The following CDH12 variants were observed in gnomAD, a reference collection of about 807,000 sequenced individuals.
The protein encoded by CDH12 is cadherin 12.
Under a neutral mutation model 74.1 loss-of-function variants are expected in CDH12, and 41 were observed. That is an observed-to-expected ratio of 0.55 (90% CI 0.43 to 0.72). CDH12 has a LOEUF of 0.72. Among genes scored for constraint, CDH12 ranks in the 30% least tolerant of loss-of-function variants. CDH12 has a pLI of 0.00. For missense variants in CDH12, 945 were observed against 977.2 expected (o/e 0.97, Z 0.44); for synonymous variants, 399 against 355.0 (o/e 1.12, Z -1.39).
At chr5:22,691,487 G>C (rs1033017344) in intron 1 of CDH12, among the ~76,000 whole-genome samples, 1 of 152,144 alleles carries the variant, frequency 6.6e-6, no homozygotes, top group Non-Finnish European at 1.5e-5. Flanking sequence ...GCTAAAAATT[G>C]CATCATAATA....
intron 1 of CDH12, among the ~76,000 whole-genome samples, chr5:22,530,195 T>G (rs1737524996): frequency 6.6e-6 from 1 of 152,144 alleles, no homozygotes; most frequent in Non-Finnish European, 1.5e-5. Flanking sequence ...ATAATTGAAC[T>G]CATCTTTATT....
chr5:22,273,699 T>C (rs530127193), intron 3 of CDH12, among the ~76,000 whole-genome samples: 10 of 152,330 alleles, frequency 6.6e-5, no homozygotes, highest in African/African-American at 2.4e-4. Context: ...GGTAAAGTTA[T>C]CAAAATGTGT....
At chr5:21,879,860 A>T (rs1752147994) in intron 6 of CDH12, among the ~76,000 whole-genome samples, 1 of 152,240 alleles carries the variant, frequency 6.6e-6, no homozygotes, top group Admixed American at 6.5e-5. Flanking sequence ...CTTCAGGATC[A>T]CAAGAGGATT....
intron 5 of CDH12, among the ~76,000 whole-genome samples, chr5:21,984,437 T>C (rs184607432): frequency 3.3e-5 from 5 of 152,334 alleles, no homozygotes; most frequent in African/African-American, 7.2e-5. Flanking sequence ...TTATGCCTTT[T>C]CTTTGGAATC....
intron 3 of CDH12, among the ~76,000 whole-genome samples, chr5:22,341,302 A>G (rs1409555884): frequency 1.3e-5 from 2 of 152,172 alleles, no homozygotes; most frequent in African/African-American, 4.8e-5. Context: ...TGGGCAACAC[A>G]GTGATACCCC....
rs75878505 is a variant in CDH12, at chr5:22,271,434, G to A, written c.-332-58791C>T. Among the ~76,000 whole-genome samples, 1,235 of 152,214 alleles carry A rather than the reference G, an allele frequency of 8.1e-3. 13 individuals are homozygous for A. The highest frequency in any genetic ancestry group is 0.012 in the Non-Finnish European group (833 of 68,014). On this transcript the variant is annotated intron_variant, in intron 3 of 14. Coordinates refer to ENST00000382254, the MANE Select transcript of CDH12 (RefSeq NM_004061.5). The stretch of plus-strand genomic sequence containing the variant: ...TGGAAGTATTGAATCCCTCAAAATC[G>A]TCCATGAGGTTGGGAATTGACATCT...
chr5:21,869,176 T>C (rs370486307), intron 6 of CDH12, among the ~76,000 whole-genome samples: 122 of 152,146 alleles, frequency 8.0e-4, no homozygotes, highest in African/African-American at 2.8e-3. Flanking sequence ...TGAGGTGAAA[T>C]TGGACTACTA....
chr5:22,199,864 T>C (rs1348550311), intron 4 of CDH12, among the ~76,000 whole-genome samples: 1 of 152,238 alleles, frequency 6.6e-6, no homozygotes, highest in East Asian at 1.9e-4. Context: ...TTGGTGGATC[T>C]GCATTAGAAA....
chr5:22,341,312 CT>C (rs1254238418), intron 3 of CDH12, among the ~76,000 whole-genome samples: 1 of 152,062 alleles, frequency 6.6e-6, no homozygotes, highest in Non-Finnish European at 1.5e-5. Context: ...AGTGATACCC[CT>C]ATCTCTACAA....
intron 1 of CDH12, among the ~76,000 whole-genome samples, chr5:22,747,817 CTG>C (rs2127029044): frequency 6.6e-6 from 1 of 152,102 alleles, no homozygotes; most frequent in South Asian, 2.1e-4. Flanking sequence ...TCTTATGAAT[CTG>C]AGTATTTTAT....
intron 5 of CDH12, among the ~76,000 whole-genome samples, chr5:21,997,590 A>C (rs1736370780): frequency 6.6e-6 from 1 of 152,120 alleles, no homozygotes; most frequent in Non-Finnish European, 1.5e-5. Flanking sequence ...ACCGGACTTA[A>C]AAATGATATT....
chr5:22,165,334 T>C (rs957802295), intron 4 of CDH12, among the ~76,000 whole-genome samples: 3 of 152,228 alleles, frequency 2.0e-5, no homozygotes, highest in Non-Finnish European at 4.4e-5. Context: ...TGTGGATTTG[T>C]TAGGAGTGTT....
At chr5:22,243,438 A>G (rs1170987084) in intron 3 of CDH12, among the ~76,000 whole-genome samples, 1 of 152,146 alleles carries the variant, frequency 6.6e-6, no homozygotes, top group Non-Finnish European at 1.5e-5. Context: ...TGAAAGAGAA[A>G]TCAAACTTAA....
At chr5:22,693,176 G>A (rs1742173714) in intron 1 of CDH12, among the ~76,000 whole-genome samples, 1 of 152,128 alleles carries the variant, frequency 6.6e-6, no homozygotes, top group Non-Finnish European at 1.5e-5. Context: ...CTCAGAATTT[G>A]CACTACCTCT....
intron 3 of CDH12, among the ~76,000 whole-genome samples, chr5:22,236,840 A>T (rs1752577209): frequency 6.6e-6 from 1 of 152,028 alleles, no homozygotes; most frequent in Admixed American, 6.6e-5. Context: ...TCACCTCCAC[A>T]TCTTGGTCCA....
intron 2 of CDH12, among the ~76,000 whole-genome samples, chr5:22,460,738 T>TTTTTTTG (rs1745472110): frequency 1.4e-5 from 2 of 147,964 alleles, no homozygotes; most frequent in Non-Finnish European, 3.0e-5. Flanking sequence ...TTTTTTTTTT[T>TTTTTTTG]AGACGATGTC....
intron 1 of CDH12, among the ~76,000 whole-genome samples, chr5:22,707,822 A>G (rs1426650030): frequency 6.6e-6 from 1 of 152,138 alleles, no homozygotes; most frequent in African/African-American, 2.4e-5. Context: ...CTAAGGTAAA[A>G]TTAGTAACAC....
chr5:21,958,846 G>C (rs1377889999), intron 6 of CDH12, among the ~76,000 whole-genome samples: 1 of 152,166 alleles, frequency 6.6e-6, no homozygotes, highest in African/African-American at 2.4e-5. Flanking sequence ...TTGGTAGTTT[G>C]ATAGAAATAG....
intron 1 of CDH12, among the ~76,000 whole-genome samples, chr5:22,657,134 T>C (rs1013999205): frequency 6.6e-6 from 1 of 152,158 alleles, no homozygotes; most frequent in Non-Finnish European, 1.5e-5. Flanking sequence ...GATTAAACTA[T>C]TAAGTGAAAT....
Sources: allele counts gnomAD v4.1 joint callset (sites outside exome capture counted in the v4.1 genomes callset), GRCh38; gene constraint gnomAD v4.1.1; transcripts MANE v1.5; gene names NCBI Gene and HGNC (gene_info 2026-07-23, HGNC 2026-07-21).